DOHH: variants seen among roughly 807,000 people sequenced by gnomAD.
The protein encoded by DOHH is deoxyhypusine hydroxylase.
A neutral mutation model predicts 19.9 loss-of-function variants in DOHH; 16 were observed. The ratio of observed to expected loss-of-function variants is 0.80; its 90% CI spans 0.54 to 1.22. The LOEUF (loss-of-function observed/expected upper bound fraction) is 1.22. Among genes scored for constraint, DOHH ranks in the 50% most tolerant of loss-of-function variants. The pLI, the probability that DOHH is intolerant of heterozygous loss-of-function variation, is 0.00. For synonymous variants in DOHH, 233 were observed against 217.0 expected, an observed-to-expected ratio of 1.07 and a Z score of -0.65; for missense variants, 460 against 460.6, an observed-to-expected ratio of 1.00 and a Z score of 0.01.
In DOHH at chr19:3,493,558, C is replaced by G. The variant is rs535297354; in HGVS notation, c.351+470G>C. ...CTGGGAAGCAGAGCTTGCAGTGAGC[C>G]GAGATCGCGCCCACTGCACTCCAGC... On this transcript the variant is annotated intron_variant, in intron 3 of 4. Transcript: ENST00000427575. 1.1e-4 allele frequency among the ~76,000 whole-genome samples: 16 copies of G among 151,790 alleles called. 2 individuals are homozygous for G. Among genetic ancestry groups the G allele is most frequent in the Admixed American group, 7.2e-4 (11 of 15,264 alleles).
chr19:3,495,402 G>A (rs1226166981), intron 2 of DOHH, among the ~76,000 whole-genome samples: 2 of 152,162 alleles, frequency 1.3e-5, no homozygotes, highest in East Asian at 3.9e-4. Flanking sequence ...TCAGCCTCCT[G>A]AGTAGTTGGG....
In DOHH at chr19:3,492,413, G is replaced by T; in HGVS notation, c.438C>A (p.Ser146=). 1 of 1,518,014 alleles carries T rather than the reference G, an allele frequency of 6.6e-7. No individual in the cohort carries two copies. The highest frequency in any genetic ancestry group is 8.8e-7 in the Non-Finnish European group (1 of 1,139,580). 94.0% of individuals were successfully genotyped at this position (1,518,014 alleles called of 1,614,324 possible). A position where few individuals can be genotyped will look rare whatever the true frequency, so the allele number is the denominator to read the frequency against. Residue 146 remains serine, a synonymous_variant, in exon 4 of 5, where the codon TCC becomes TCA. Transcript: ENST00000427575. ...CCTCAGCCGGCGGGGCAGGGTCCAC[G>T]GAGAGGTAGGGTCCCGCCGCCGGCT... ...GGEPAAGPYL[S]VDPAPPAEER... is the part of the protein sequence containing the mutation.
rs377662709 is a variant in DOHH, at chr19:3,494,054, G to A, written c.325C>T (p.Gln109Ter). ...TCGATGACGGGGTCCGAGGAATACTGCTTCAGGATCTCCAGAACTTCCGGG... is the reference window on the plus strand; with the variant it reads ...TCGATGACGGGGTCCGAGGAATACTACTTCAGGATCTCCAGAACTTCCGGG... ...GDPEVLEILKQYSSDPVIEVA... is the reference protein window; with the variant it reads ...GDPEVLEILK Residue 109 changes from glutamine (Q) to a stop codon, truncating the protein, a stop_gained, in exon 3 of 5, where the codon CAG becomes TAG. Transcript: ENST00000427575. LOFTEE classifies it high-confidence loss of function. The A allele has an allele frequency of 1.2e-6, 2 of 1,613,692 alleles. No homozygotes were observed. The highest frequency in any genetic ancestry group is 1.7e-6 in the Non-Finnish European group (2 of 1,179,824).
At chr19:3,493,932 G>A in intron 3 of DOHH, 96 bp downstream of exon 3, 1 of 1,160,544 alleles carries the variant, frequency 8.6e-7, no homozygotes, top group Non-Finnish European at 1.2e-6. Context: ...GAGATGGGGA[G>A]GGTCTGAGGC....
In DOHH at chr19:3,496,700, C is replaced by T. The variant is rs765301122; in HGVS notation, c.115G>A (p.Ala39Thr). 22 of 1,613,404 alleles carry T rather than the reference C, an allele frequency of 1.4e-5. No individual in the cohort carries two copies. The highest frequency in any genetic ancestry group is 2.2e-5 in the South Asian group (2 of 91,084). ...FTLRGLGGPGAIAWISQAFDD... is the reference protein window; with the variant it reads ...FTLRGLGGPGTIAWISQAFDD... ...AAGGCCTGGCTGATCCATGCAATGG[C>T]GCCTGGGCCGCCGAGCCCACGCAGC... Residue 39 changes from alanine (A) to threonine (T), a missense_variant, in exon 2 of 5, where the codon GCC becomes ACC. By Grantham distance (58) the Ala-to-Thr change is moderately conservative (BLOSUM62 0). Coordinates refer to ENST00000427575, the MANE Select transcript of DOHH (RefSeq NM_001145165.2). This position sits in a 1 kb window ranked among gnomAD's most constrained non-coding sequence, Gnocchi z 4.8.
At position 3,491,203 on chromosome 19, in the gene DOHH, C is replaced by A. The variant is rs2082866761; in HGVS notation, c.*289G>T. 1 of 518,258 alleles carries A rather than the reference C, an allele frequency of 1.9e-6. No homozygotes were observed. Among genetic ancestry groups the A allele is most frequent in the Non-Finnish European group, 3.4e-6 (1 of 297,074 alleles). The allele number at this position is 518,258 out of a possible 1,614,324, so 32.1% of individuals were successfully genotyped here. A position where few individuals can be genotyped will look rare whatever the true frequency, so the allele number is the denominator to read the frequency against. On this transcript the variant is annotated 3_prime_UTR_variant, in exon 5 of 5. Transcript: ENST00000427575. This position sits in a 1 kb window ranked among gnomAD's most constrained non-coding sequence, Gnocchi z 5.6. ...CCCCTGGCTTCCCTCGCAATCCTCC[C>A]CTGTCCTGAGCCGGGCATCCCAGAG...
chr19:3,493,909 G>C, intron 3 of DOHH, 119 bp downstream of exon 3: 1 of 898,710 alleles, frequency 1.1e-6, no homozygotes, highest in African/African-American at 1.7e-5. Flanking sequence ...CCAAGTGGTC[G>C]CCCTGGCAAC....
In DOHH at chr19:3,496,497, G is replaced by A. The variant is rs1337420908; in HGVS notation, c.274+44C>T. 2 of 1,582,374 alleles carry A rather than the reference G, an allele frequency of 1.3e-6. No homozygotes were observed. The highest frequency in any genetic ancestry group is 1.7e-6 in the Non-Finnish European group (2 of 1,163,274). ...GGGACACGTGGGGTCATGAAGAAGTGAGGCAGGAGGGAGCAGGTGCCCGGG... is the reference window on the plus strand; with the variant it reads ...GGGACACGTGGGGTCATGAAGAAGTAAGGCAGGAGGGAGCAGGTGCCCGGG... On this transcript the variant is annotated intron_variant, in intron 2 of 4. Transcript: ENST00000427575. This position sits in a 1 kb window ranked among gnomAD's most constrained non-coding sequence, Gnocchi z 4.8.
At chr19:3,497,238 T>C (rs933204989) in intron 1 of DOHH, among the ~76,000 whole-genome samples, 50 of 152,174 alleles carry the variant, frequency 3.3e-4, no homozygotes, top group African/African-American at 1.2e-3. Flanking sequence ...AGGCTTTATA[T>C]AGTCCTCTCC....
intron 2 of DOHH, among the ~76,000 whole-genome samples, chr19:3,494,917 C>T (rs1414942496): frequency 6.6e-6 from 1 of 152,126 alleles, no homozygotes; most frequent in Non-Finnish European, 1.5e-5. Flanking sequence ...GTGGCACAGA[C>T]GCACCAACTA....
At chr19:3,494,422 C>T (rs1183740225) in intron 2 of DOHH, among the ~76,000 whole-genome samples, 1 of 152,220 alleles carries the variant, frequency 6.6e-6, no homozygotes, top group Admixed American at 6.5e-5. Context: ...ACAAGCAGCT[C>T]CAAGAACCCA....
rs2082909854 is a variant in DOHH, at chr19:3,496,621, A to C, written c.194T>G (p.Met65Arg). 2.5e-6 allele frequency: 4 copies of C among 1,614,052 alleles called. No homozygotes were observed. The highest frequency in any genetic ancestry group is 3.4e-6 in the Non-Finnish European group (4 of 1,180,036). The change falls in exon 2 of 5, where the codon ATG (methionine) becomes AGG (arginine). Residue 65 changes from methionine to arginine, a missense_variant. Physicochemically the swap from Met to Arg is moderately conservative, Grantham distance 91 (BLOSUM62 -1). Transcript: ENST00000427575. This position sits in a 1 kb window ranked among gnomAD's most constrained non-coding sequence, Gnocchi z 4.8. ...CATGGGGATGGCGCGGGCATCCTGC[A>C]TCTGGCCCAGGCAGTAGGCCAGCTC... ...KHELAYCLGQ[M>R]QDARAIPMLV...
intron 1 of DOHH, among the ~76,000 whole-genome samples, chr19:3,498,090 C>A (rs1239278413): frequency 6.6e-6 from 1 of 152,206 alleles, no homozygotes; most frequent in Non-Finnish European, 1.5e-5. Context: ...CCCATCACCT[C>A]TTCCCTCTCT....
intron 3 of DOHH, among the ~76,000 whole-genome samples, 162 bp downstream of exon 3, chr19:3,493,866 C>A (rs1054692968): frequency 4.6e-5 from 7 of 152,150 alleles, no homozygotes; most frequent in African/African-American, 1.7e-4. Context: ...CAGATTGTCG[C>A]CCTCGCCTTC....
chr19:3,491,716 G>T lies in DOHH; in HGVS notation c.685C>A (p.Leu229Met). The T allele has an allele frequency of 6.6e-7, 1 of 1,513,478 alleles. No homozygotes were observed. The allele number at this position is 1,513,478 out of a possible 1,614,324, so 93.8% of individuals were successfully genotyped here. ...ATGGGGTTCTCGGTGCATCGGGCCA[G>T]GGCGGCCGCCAGCTGGGGCACCGCC... ...EAAVPQLAAA[L>M]ARCTENPMVR... The change falls in exon 5 of 5, where the codon CTG becomes ATG. Residue 229 changes from leucine to methionine, a missense_variant. Leu to Met is a conservative substitution (Grantham distance 15, BLOSUM62 2). Coordinates refer to ENST00000427575, the MANE Select transcript of DOHH (RefSeq NM_001145165.2). This position sits in a 1 kb window ranked among gnomAD's most constrained non-coding sequence, Gnocchi z 5.6.
At position 3,491,770 on chromosome 19, in the gene DOHH, A is replaced by G; in HGVS notation, c.631T>C (p.Tyr211His). The G allele has an allele frequency of 6.6e-7, 1 of 1,509,502 alleles. No individual in the cohort carries two copies. Among genetic ancestry groups the G allele is most frequent in the Non-Finnish European group, 8.8e-7 (1 of 1,131,888 alleles). The allele number at this position is 1,509,502 out of a possible 1,614,324, so 93.5% of individuals were successfully genotyped here. The change falls in exon 5 of 5, where the codon TAC (tyrosine) becomes CAC (histidine). Residue 211 changes from tyrosine (Y) to histidine (H), a missense_variant. Tyr to His is a moderately conservative substitution (Grantham distance 83). Coordinates refer to ENST00000427575, the MANE Select transcript of DOHH (RefSeq NM_001145165.2). The surrounding 1 kb of genome is among the most constrained non-coding windows in gnomAD (Gnocchi z 5.6). ...TCGTGCTGCAGCTGTCCCAGGACGT[A>G]GCCGACCTCGTGGCGGAAGAGGGCG... Reference protein sequence around the residue: ...GSALFRHEVGYVLGQLQHEAA... With the variant: ...GSALFRHEVGHVLGQLQHEAA...
intron 2 of DOHH, among the ~76,000 whole-genome samples, chr19:3,494,665 G>A (rs747577067): frequency 3.3e-5 from 5 of 152,224 alleles, no homozygotes; most frequent in Non-Finnish European, 5.9e-5. Context: ...GCGGCTCCCC[G>A]TAGAGCCCTG....
chr19:3,495,795 T>G (rs1257005586), intron 2 of DOHH, among the ~76,000 whole-genome samples: 2 of 151,724 alleles, frequency 1.3e-5, no homozygotes, highest in South Asian at 2.1e-4. Context: ...TGTAACGCTA[T>G]CTACTTGGGA....
Position 3,491,822 on chromosome 19 carries a change from G to C in DOHH, c.590-11C>G. On this transcript the variant is annotated splice_polypyrimidine_tract_variant and intron_variant, in intron 4 of 4. Coordinates refer to ENST00000427575, the MANE Select transcript of DOHH (RefSeq NM_001145165.2). The surrounding 1 kb of genome is among the most constrained non-coding windows in gnomAD (Gnocchi z 5.6). ...TCCCACAGTGCAGACCTGCAGGGGA[G>C]AGGGACACTCGCTGGGGCCAGGAGG... is the stretch of plus-strand genomic sequence containing the variant. 1.4e-6 allele frequency: 2 copies of C among 1,451,134 alleles called. No homozygotes were observed. 89.9% of individuals were successfully genotyped at this position (1,451,134 alleles called of 1,614,324 possible).
Sources: gnomAD v4.1 joint callset for allele counts (sites outside exome capture counted in the v4.1 genomes callset) on GRCh38, gnomAD v4.1.1 for gene constraint, Gnocchi (gnomAD v3.1) non-coding constraint, MANE v1.5 for transcripts, NCBI Gene and HGNC (gene_info 2026-07-23, HGNC 2026-07-21) for gene names.